The following TCF12 variants were observed in gnomAD, a reference collection of about 807,000 sequenced individuals.
TCF12 encodes the protein transcription factor 12.
A neutral mutation model predicts 86.0 loss-of-function variants in TCF12; 45 were observed. The ratio of observed to expected loss-of-function variants is 0.52; its 90% CI spans 0.41 to 0.67. The LOEUF (loss-of-function observed/expected upper bound fraction) is 0.67. Among genes scored for constraint, TCF12 ranks in the 30% least tolerant of loss-of-function variants. TCF12 has a pLI of 0.00. For synonymous variants in TCF12, 330 were observed against 299.6 expected, an observed-to-expected ratio of 1.10 and a Z score of -1.05; for missense variants, 881 against 859.9, an observed-to-expected ratio of 1.02 and a Z score of -0.31.
At chr15:57,211,997 A>G (rs955917782) in intron 8 of TCF12, among the ~76,000 whole-genome samples, 1 of 97,708 alleles carries the variant, frequency 1.0e-5, no homozygotes, top group Non-Finnish European at 2.6e-5. Flanking sequence ...ACACACACAC[A>G]CACACACACA....
chr15:57,248,098 C>CT, intron 13 of TCF12: 1 of 702,460 alleles, frequency 1.4e-6, no homozygotes, highest in South Asian at 1.5e-5. Context: ...TATCCCATCT[C>CT]TTTCTTTTGA....
At chr15:56,950,912 A>G (rs1354245734) in intron 3 of TCF12, among the ~76,000 whole-genome samples, 2 of 151,562 alleles carry the variant, frequency 1.3e-5, no homozygotes, top group Non-Finnish European at 2.9e-5. Context: ...ATGTACCACC[A>G]CACCTGGCTA....
At chr15:57,170,202 C>G (rs1042975410) in intron 6 of TCF12, among the ~76,000 whole-genome samples, 5 of 152,074 alleles carry the variant, frequency 3.3e-5, no homozygotes, top group Non-Finnish European at 7.3e-5. Context: ...AGGAATCCAT[C>G]AGATTTCAAC....
At chr15:57,196,856 C>A (rs1429887955) in intron 7 of TCF12, among the ~76,000 whole-genome samples, 1 of 152,126 alleles carries the variant, frequency 6.6e-6, no homozygotes, top group Non-Finnish European at 1.5e-5. Context: ...GTGTCAAATA[C>A]TGAATGATAC....
chr15:56,971,940 A>T (rs1038207058), intron 3 of TCF12, among the ~76,000 whole-genome samples: 1 of 152,120 alleles, frequency 6.6e-6, no homozygotes, highest in African/African-American at 2.4e-5. Context: ...CACTAGGGAT[A>T]TGGGGTTTTT....
At chr15:57,029,937 G>A (rs1184500125) in intron 3 of TCF12, among the ~76,000 whole-genome samples, 4 of 152,166 alleles carry the variant, frequency 2.6e-5, no homozygotes, top group Non-Finnish European at 5.9e-5. Context: ...GCTGAGTGGT[G>A]TTACGTTATA....
intron 3 of TCF12, among the ~76,000 whole-genome samples, chr15:57,034,381 T>C (rs1174816087): frequency 2.0e-5 from 3 of 152,146 alleles, no homozygotes; most frequent in African/African-American, 7.2e-5. Flanking sequence ...GCCCTTTATT[T>C]AGTCGAGTTT....
intron 3 of TCF12, among the ~76,000 whole-genome samples, chr15:57,043,533 A>G (rs1406197460): frequency 2.0e-5 from 3 of 152,108 alleles, no homozygotes; most frequent in Middle Eastern, 3.2e-3. Context: ...TTTGATTTGC[A>G]TTTCCCTGAT....
Position 57,232,171 on chromosome 15 carries a change from A to G in TCF12, c.686-120A>G. 5 of 1,012,638 alleles carry G rather than the reference A, an allele frequency of 4.9e-6. No individual in the cohort carries two copies. In the South Asian group the frequency reaches 7.5e-5, roughly 15 times the overall value. The allele number at this position is 1,012,638 out of a possible 1,614,324, so 62.7% of individuals were successfully genotyped here. On this transcript the variant is annotated intron_variant, in intron 9 of 20. Transcript: ENST00000333725. ...TAGAGGGAAGAACAGTGGGTAGAAGACTAGGTTGGAAAAGGGAGGAAAAAT... is the reference window on the plus strand; with the variant it reads ...TAGAGGGAAGAACAGTGGGTAGAAGGCTAGGTTGGAAAAGGGAGGAAAAAT...
At position 57,066,500 on chromosome 15, in the gene TCF12, A is replaced by G. The variant is rs114364328; in HGVS notation, c.222+2677A>G. ...TTAGACTTTATCATATTATATAAAT[A>G]TTACATTTCTATCAGCAGATTCCAT... On this transcript the variant is annotated intron_variant, in intron 4 of 20. Transcript: ENST00000333725. Among the ~76,000 whole-genome samples, 569 of 152,290 alleles carry G rather than the reference A, an allele frequency of 3.7e-3. 4 individuals are homozygous for G. Among genetic ancestry groups the G allele is most frequent in the African/African-American group, 0.013 (555 of 41,574 alleles).
At chr15:57,182,352 A>C (rs1203729617) in intron 6 of TCF12, among the ~76,000 whole-genome samples, 3 of 152,160 alleles carry the variant, frequency 2.0e-5, no homozygotes, top group African/African-American at 7.2e-5. Context: ...TTAGGCTTTT[A>C]TAGTTTAGCA....
chr15:57,048,471 C>T (rs886378196), intron 3 of TCF12, among the ~76,000 whole-genome samples: 1 of 152,086 alleles, frequency 6.6e-6, no homozygotes, highest in Non-Finnish European at 1.5e-5. Flanking sequence ...CCATGTTTCC[C>T]AGGATGGTCT....
intron 3 of TCF12, among the ~76,000 whole-genome samples, chr15:57,046,078 T>C: frequency 6.6e-6 from 1 of 152,362 alleles, no homozygotes; most frequent in Middle Eastern, 3.4e-3. Context: ...TCAGATCGTT[T>C]ACATTTGTTG....
rs369243391 is a variant in TCF12, at chr15:56,972,639, A to G, written c.148+51541A>G. Among the ~76,000 whole-genome samples the G allele has an allele frequency of 2.6e-5, 4 of 152,320 alleles. No individual in the cohort carries two copies. The South Asian group carries it at 8.3e-4, about 32-fold the overall frequency. On this transcript the variant is annotated intron_variant, in intron 3 of 20. Coordinates refer to ENST00000333725, the MANE Select transcript of TCF12 (RefSeq NM_207037.2). The stretch of plus-strand genomic sequence containing the variant: ...AACCACAGACACAGTTAGTAGGTTT[A>G]GGGTAGAAATAATGAGGGATGGGAA...
At chr15:57,276,701 C>T (rs1333520706) in intron 19 of TCF12, among the ~76,000 whole-genome samples, 1 of 151,498 alleles carries the variant, frequency 6.6e-6, no homozygotes, top group African/African-American at 2.4e-5. Flanking sequence ...ATATCATCAG[C>T]GTTCTGGACA....
intron 3 of TCF12, among the ~76,000 whole-genome samples, chr15:57,060,565 C>T (rs926676929): frequency 6.6e-6 from 1 of 152,172 alleles, no homozygotes; most frequent in Non-Finnish European, 1.5e-5. Flanking sequence ...CTTTCTCTTA[C>T]ATCTGCCATT....
At chr15:57,018,652 G>T (rs2065291352) in intron 3 of TCF12, among the ~76,000 whole-genome samples, 1 of 151,788 alleles carries the variant, frequency 6.6e-6, no homozygotes, top group Non-Finnish European at 1.5e-5. Context: ...TGTTGCCCAG[G>T]CTGGTCTTGA....
chr15:57,147,715 T>A (rs1419516612), intron 5 of TCF12, among the ~76,000 whole-genome samples: 1 of 152,080 alleles, frequency 6.6e-6, no homozygotes, highest in African/African-American at 2.4e-5. Context: ...TATGTGATAA[T>A]AGCAAAATAC....
upstream of TCF12, chr15:56,918,590 C>T (rs1410084856): frequency 4.2e-5 from 11 of 263,448 alleles, no homozygotes; most frequent in Non-Finnish European, 7.5e-5. Context: ...CGGAGCGGGT[C>T]GGGGAGGGAA....
Sources: gnomAD v4.1 joint callset for allele counts (sites outside exome capture counted in the v4.1 genomes callset) on GRCh38, gnomAD v4.1.1 for gene constraint, MANE v1.5 for transcripts, NCBI Gene and HGNC (gene_info 2026-07-23, HGNC 2026-07-21) for gene names.